Variants in PPP2R2C observed in about 807,000 individuals in gnomAD.
PPP2R2C encodes protein phosphatase 2, regulatory subunit B, gamma.
Under a neutral mutation model 45.3 loss-of-function variants are expected in PPP2R2C, and 10 were observed. That is an observed-to-expected ratio of 0.22 (90% CI 0.14 to 0.37). The LOEUF (loss-of-function observed/expected upper bound fraction) is 0.37, where lower values mean the gene tolerates loss of function less well. Ranked by LOEUF, PPP2R2C falls within the 10% of genes least tolerant of loss-of-function variation. The pLI is 1.00. For missense variants in PPP2R2C, 308 were observed against 619.7 expected (o/e 0.50, Z 5.34); for synonymous variants, 257 against 245.4 (o/e 1.05, Z -0.44).
chr4:6,332,279 T>C lies in PPP2R2C; in HGVS notation c.960+1283A>G, dbSNP rs1013221875. On this transcript the variant is annotated intron_variant, in intron 7 of 8. Coordinates refer to ENST00000382599, the MANE Select transcript of PPP2R2C (RefSeq NM_020416.4). This position sits in a 1 kb window ranked among gnomAD's most constrained non-coding sequence, Gnocchi z 4.9. ...CTGCAGGCTTGAGCCGGGCTTATCC[T>C]GTCCCTCTCCTAGTCTGGGGTCTCT... Among the ~76,000 whole-genome samples, 1 of 152,232 alleles carries C rather than the reference T, an allele frequency of 6.6e-6. No individual in the cohort carries two copies. The highest frequency in any genetic ancestry group is 2.4e-5 in the African/African-American group (1 of 41,462).
At chr4:6,456,310 C>T (rs1484609903) in intron 1 of PPP2R2C, among the ~76,000 whole-genome samples, 1 of 33,038 alleles carries the variant, frequency 3.0e-5, no homozygotes. Context: ...TGTTATTTCC[C>T]CCCCCCCCCT....
intron 1 of PPP2R2C, among the ~76,000 whole-genome samples, chr4:6,390,902 C>A (rs1036026077): frequency 1.3e-5 from 2 of 152,120 alleles, no homozygotes; most frequent in Non-Finnish European, 2.9e-5. Context: ...CACCTTCCAG[C>A]GGGCCTGGTG....
intron 1 of PPP2R2C, among the ~76,000 whole-genome samples, chr4:6,557,862 C>T (rs73796262): frequency 0.019 from 2,837 of 152,236 alleles, 89 homozygotes; most frequent in African/African-American, 0.065. Flanking sequence ...TGGGCGGGCA[C>T]AACGGACGCT....
chr4:6,548,266 C>T (rs1725061174), intron 1 of PPP2R2C, among the ~76,000 whole-genome samples: 1 of 152,100 alleles, frequency 6.6e-6, no homozygotes, highest in Admixed American at 6.6e-5. Flanking sequence ...TGGGGCACAA[C>T]CACACCTGTT....
intron 1 of PPP2R2C, among the ~76,000 whole-genome samples, chr4:6,423,781 T>C (rs1719120051): frequency 6.6e-6 from 1 of 152,032 alleles, no homozygotes; most frequent in Admixed American, 6.6e-5. Flanking sequence ...AACTGAAAGA[T>C]CAGGGAGGTA....
At chr4:6,361,613 T>C (rs952761040) in intron 5 of PPP2R2C, among the ~76,000 whole-genome samples, 6 of 152,232 alleles carry the variant, frequency 3.9e-5, no homozygotes, top group African/African-American at 1.4e-4. Flanking sequence ...CCCAGAGTCT[T>C]TCTCTCCCTC....
At chr4:6,560,417 A>G (rs1319024997) in intron 1 of PPP2R2C, among the ~76,000 whole-genome samples, 2 of 152,208 alleles carry the variant, frequency 1.3e-5, no homozygotes, top group African/African-American at 2.4e-5. Context: ...TAGAGTGACC[A>G]AGGACAAGCC....
chr4:6,435,056 T>G (rs1719826969), intron 1 of PPP2R2C, among the ~76,000 whole-genome samples: 1 of 152,222 alleles, frequency 6.6e-6, no homozygotes, highest in Non-Finnish European at 1.5e-5. Context: ...ATCTTATTTT[T>G]AGAAAGTTCT....
At position 6,466,130 on chromosome 4, in the gene PPP2R2C, G is replaced by A. The variant is rs73796213; in HGVS notation, c.70+6030C>T. Among the ~76,000 whole-genome samples, 310 of 152,306 alleles carry A rather than the reference G, an allele frequency of 2.0e-3. 1 individual carries two copies. The highest frequency in any genetic ancestry group is 7.0e-3 in the African/African-American group (289 of 41,558). ...GGCCCCTGCCTGTGAAACTACAGAC[G>A]CACTGAGAAGGTGCATGAGCTGTCC... On this transcript the variant is annotated intron_variant, in intron 1 of 8. Coordinates refer to ENST00000382599, the MANE Select transcript of PPP2R2C (RefSeq NM_020416.4).
chr4:6,426,437 G>A (rs1466033869), intron 1 of PPP2R2C, among the ~76,000 whole-genome samples: 1 of 152,212 alleles, frequency 6.6e-6, no homozygotes, highest in Non-Finnish European at 1.5e-5. Flanking sequence ...TTGCCCTCCT[G>A]TGTTCCTGGC....
At chr4:6,347,711 G>A in intron 6 of PPP2R2C, 135 bp downstream of exon 6, 2 of 1,178,504 alleles carry the variant, frequency 1.7e-6, no homozygotes, top group Non-Finnish European at 2.3e-6. Flanking sequence ...GCAGCAATGG[G>A]CCCACCCACC....
chr4:6,501,573 T>TTTCATTCA lies in PPP2R2C; in HGVS notation c.49+33690_49+33697dup, dbSNP rs367725442. Among the ~76,000 whole-genome samples, 44 of 152,148 alleles carry TTTCATTCA rather than the reference T, an allele frequency of 2.9e-4. No homozygotes were observed. In the South Asian group the frequency reaches 3.5e-3, roughly 12 times the overall value. ...TTAGCACCATTAATCCTTGTAACAC[T>TTTCATTCA]TTCATTCATTCATTCATTCATTCAT... is the stretch of plus-strand genomic sequence containing the variant. On this transcript the variant is annotated intron_variant, in intron 2 of 9. Coordinates refer to the PPP2R2C transcript ENST00000506140.
At chr4:6,524,087 AT>A (rs74633647) in intron 2 of PPP2R2C, among the ~76,000 whole-genome samples, 40,648 of 148,378 alleles carry the variant, frequency 0.27, 6,409 homozygotes, top group East Asian at 0.47. Flanking sequence ...CTAATTTTGT[AT>A]TTTTTTTTTT....
intron 1 of PPP2R2C, among the ~76,000 whole-genome samples, chr4:6,439,630 G>A (rs564228615): frequency 6.6e-6 from 1 of 152,172 alleles, no homozygotes; most frequent in East Asian, 1.9e-4. Flanking sequence ...CTTCTCCTCT[G>A]CTCTTCTGCC....
At chr4:6,391,213 G>A (rs1716608165) in intron 1 of PPP2R2C, among the ~76,000 whole-genome samples, 1 of 152,076 alleles carries the variant, frequency 6.6e-6, no homozygotes, top group South Asian at 2.1e-4. Context: ...GCAGGAGCCT[G>A]GGTCCCACCC....
intron 3 of PPP2R2C, among the ~76,000 whole-genome samples, chr4:6,377,514 C>T (rs1420390179): frequency 6.6e-6 from 1 of 152,140 alleles, no homozygotes; most frequent in Non-Finnish European, 1.5e-5. Flanking sequence ...CAAAAATTAG[C>T]TGGGCATGGT....
chr4:6,402,475 C>G (rs1717480118), intron 1 of PPP2R2C, among the ~76,000 whole-genome samples: 1 of 141,752 alleles, frequency 7.1e-6, no homozygotes, highest in Non-Finnish European at 1.5e-5. Flanking sequence ...TCTTTTCTCT[C>G]TTCTCCTTTT....
At chr4:6,523,230 T>C (rs1434471753) in intron 2 of PPP2R2C, among the ~76,000 whole-genome samples, 1 of 152,166 alleles carries the variant, frequency 6.6e-6, no homozygotes, top group Non-Finnish European at 1.5e-5. Context: ...AGGCCTTCCC[T>C]AGCCCCAACC....
At chr4:6,391,853 C>T (rs1263587565) in intron 1 of PPP2R2C, among the ~76,000 whole-genome samples, 5 of 152,222 alleles carry the variant, frequency 3.3e-5, no homozygotes, top group Non-Finnish European at 7.3e-5. Context: ...GAAAGACCTG[C>T]GTTTGAATCC....
Sources: gnomAD v4.1 joint callset for allele counts (sites outside exome capture counted in the v4.1 genomes callset) on GRCh38, gnomAD v4.1.1 for gene constraint, Gnocchi (gnomAD v3.1) non-coding constraint, MANE v1.5 for transcripts, NCBI Gene and HGNC (gene_info 2026-07-23, HGNC 2026-07-21) for gene names.